PFKP: variants seen among roughly 807,000 people sequenced by gnomAD.
PFKP encodes ATP-dependent 6-phosphofructokinase, platelet type.
A neutral mutation model predicts 94.3 loss-of-function variants in PFKP; 101 were observed. That is an observed-to-expected ratio of 1.07 (90% CI 0.91 to 1.26). The LOEUF (loss-of-function observed/expected upper bound fraction) is 1.26. Ranked by LOEUF, PFKP falls within the 50% of genes most tolerant of loss-of-function variation. PFKP has a pLI of 0.00. For synonymous variants in PFKP, 573 were observed against 432.6 expected (o/e 1.32, Z -4.03); for missense variants, 1,145 against 1,103.3 (o/e 1.04, Z -0.53).
At chr10:3,114,354 T>G (rs999221824) in intron 13 of PFKP, among the ~76,000 whole-genome samples, 1 of 152,200 alleles carries the variant, frequency 6.6e-6, no homozygotes, top group Non-Finnish European at 1.5e-5. Context: ...TTCATCATGT[T>G]GGCCAGGCTG....
At chr10:3,101,971 G>A (rs918081774) in intron 4 of PFKP, among the ~76,000 whole-genome samples, 1 of 150,794 alleles carries the variant, frequency 6.6e-6, no homozygotes, top group African/African-American at 2.4e-5. Flanking sequence ...CTGAAGTTGG[G>A]CCGGGCGCGG....
At position 3,103,778 on chromosome 10, in the gene PFKP, G is replaced by A; in HGVS notation, c.455-1G>A. ...AGACGTGCTGTTTGCTCCCCGCGCA[G>A]GCCAGATCGATAAGGAGGCCGTGCA... On this transcript the variant is annotated splice_acceptor_variant, in intron 4 of 21. Transcript: ENST00000381125. LOFTEE classifies it high-confidence loss of function. The A allele has an allele frequency of 6.2e-7, 1 of 1,613,888 alleles. No homozygotes were observed. The highest frequency in any genetic ancestry group is 2.2e-5 in the East Asian group (1 of 44,890).
chr10:3,117,816 C>T (rs151070200), intron 14 of PFKP, among the ~76,000 whole-genome samples: 1,906 of 152,312 alleles, frequency 0.013, 40 homozygotes, highest in African/African-American at 0.043. Flanking sequence ...GACTCGCTGG[C>T]TGTTGTGGGC....
intron 8 of PFKP, among the ~76,000 whole-genome samples, chr10:3,108,442 A>G (rs1413533183): frequency 1.3e-5 from 2 of 152,212 alleles, no homozygotes; most frequent in African/African-American, 4.8e-5. Flanking sequence ...TAAAGCAACG[A>G]ACATATTACT....
chr10:3,077,364 C>T (rs1210825551), intron 1 of PFKP, among the ~76,000 whole-genome samples: 5 of 143,190 alleles, frequency 3.5e-5, no homozygotes, highest in African/African-American at 1.0e-4. Flanking sequence ...CGGGTTCAAG[C>T]GATTCTCCTG....
At chr10:3,108,857 C>T (rs1303547869) in intron 9 of PFKP, 64 bp downstream of exon 9, 2 of 1,179,676 alleles carry the variant, frequency 1.7e-6, no homozygotes, top group Non-Finnish European at 1.3e-6. Flanking sequence ...TGGAGAGGCA[C>T]AGGCACCAGC....
At chr10:3,096,842 T>G (rs61835137) in intron 2 of PFKP, among the ~76,000 whole-genome samples, 40,503 of 127,884 alleles carry the variant, frequency 0.32, 6,625 homozygotes, top group Middle Eastern at 0.36. Flanking sequence ...ACTTTGGGAG[T>G]CCGAGGCGGG....
intron 2 of PFKP, among the ~76,000 whole-genome samples, chr10:3,088,262 T>A (rs1012257403): frequency 6.6e-6 from 1 of 151,472 alleles, no homozygotes; most frequent in African/African-American, 2.4e-5. Context: ...TTTTTGTCCT[T>A]GCGATAGTTT....
chr10:3,135,989 G>A, intron 21 of PFKP, 151 bp downstream of exon 21: 1 of 604,994 alleles, frequency 1.7e-6, no homozygotes, highest in Non-Finnish European at 3.0e-6. Context: ...GTCTTGGCTG[G>A]GCGCGGTGGC....
chr10:3,108,055 C>T (rs1230566712), intron 8 of PFKP: 1 of 1,256,858 alleles, frequency 8.0e-7, no homozygotes, highest in Non-Finnish European at 1.0e-6. Flanking sequence ...TGATGGACAC[C>T]TGGGAAAGAC....
chr10:3,101,278 C>G lies in PFKP; in HGVS notation c.265-87C>G, dbSNP rs117969814. The G allele has an allele frequency of 1.7e-3, 1,864 of 1,083,164 alleles. 41 individuals carry two copies. The East Asian group carries it at 0.045, about 26-fold the overall frequency. The allele number at this position is 1,083,164 out of a possible 1,614,324, so 67.1% of individuals were successfully genotyped here. On this transcript the variant is annotated intron_variant, in intron 3 of 21. Coordinates refer to ENST00000381125, the MANE Select transcript of PFKP (RefSeq NM_002627.5). ...AATGAGAAAAATGTAAATTCTAGCA[C>G]CCCATGTTTATAGTCGGCCTGTGTG...
chr10:3,119,010 AACAGCAGG>A (rs2131634808), intron 15 of PFKP, 141 bp downstream of exon 15: 1 of 626,316 alleles, frequency 1.6e-6, no homozygotes, highest in East Asian at 3.0e-5. Context: ...AGAATTGTAG[AACAGCAGG>A]ATAGCAGGTG....
intron 14 of PFKP, among the ~76,000 whole-genome samples, chr10:3,118,131 T>C (rs1448749278): frequency 6.6e-6 from 1 of 152,086 alleles, no homozygotes; most frequent in Non-Finnish European, 1.5e-5. Flanking sequence ...ATGAGATCAA[T>C]AGTGGATAAT....
At chr10:3,131,004 G>C (rs1838512509) in intron 17 of PFKP, among the ~76,000 whole-genome samples, 2 of 152,162 alleles carry the variant, frequency 1.3e-5, no homozygotes, top group African/African-American at 4.8e-5. Context: ...GCATCATGAT[G>C]TTTCTGTCAA....
At chr10:3,124,981 C>A in intron 16 of PFKP, 2 of 840,860 alleles carry the variant, frequency 2.4e-6, no homozygotes, top group Non-Finnish European at 3.0e-6. Context: ...CCGCATGAAC[C>A]GGCTTCCCCT....
intron 1 of PFKP, chr10:3,068,739 G>T: frequency 1.0e-6 from 1 of 981,094 alleles, no homozygotes; most frequent in Non-Finnish European, 1.2e-6. Context: ...GCAATCCCTG[G>T]CGGGTAGATC....
chr10:3,074,073 C>T (rs1020703642), intron 1 of PFKP, among the ~76,000 whole-genome samples: 1 of 152,190 alleles, frequency 6.6e-6, no homozygotes. Context: ...CTCCTGACCT[C>T]AAGTGATCCA....
intron 1 of PFKP, among the ~76,000 whole-genome samples, chr10:3,076,067 ATG>A (rs1017665517): frequency 6.8e-6 from 1 of 148,014 alleles, no homozygotes; most frequent in African/African-American, 2.6e-5. Flanking sequence ...GCAAAAAACT[ATG>A]TTTTATATTC....
chr10:3,072,708 T>C (rs1470689220), intron 1 of PFKP, among the ~76,000 whole-genome samples: 1 of 152,010 alleles, frequency 6.6e-6, no homozygotes, highest in Non-Finnish European at 1.5e-5. Context: ...AGCTAAAAGC[T>C]TTTGATACAG....
Sources: gnomAD v4.1 joint callset for allele counts (sites outside exome capture counted in the v4.1 genomes callset) on GRCh38, gnomAD v4.1.1 for gene constraint, MANE v1.5 for transcripts, NCBI Gene and HGNC (gene_info 2026-07-23, HGNC 2026-07-21) for gene names.